TXNRD2: variants seen among roughly 807,000 people sequenced by gnomAD.
TXNRD2 encodes the protein thioredoxin reductase 2.
Under a neutral mutation model 70.8 loss-of-function variants are expected in TXNRD2, and 67 were observed. That is an observed-to-expected ratio of 0.95 (90% CI 0.78 to 1.16). TXNRD2 has a LOEUF of 1.16. TXNRD2 is among the 50% of genes most tolerant of loss of function. The probability of loss-of-function intolerance (pLI) is 0.00; values close to 1 mark genes in which losing one functional copy is unlikely to be tolerated. For synonymous variants in TXNRD2, 301 were observed against 295.8 expected (o/e 1.02, Z -0.18); for missense variants, 644 against 719.9 (o/e 0.89, Z 1.21).
At chr22:19,902,089 C>T (rs188162232) in intron 8 of TXNRD2, among the ~76,000 whole-genome samples, 9 of 152,186 alleles carry the variant, frequency 5.9e-5, no homozygotes, top group Non-Finnish European at 8.8e-5. Flanking sequence ...CCCGGCTACT[C>T]GGGAGGCTGA....
At chr22:19,910,699 T>C (rs963783155) in intron 8 of TXNRD2, among the ~76,000 whole-genome samples, 2 of 152,192 alleles carry the variant, frequency 1.3e-5, no homozygotes, top group African/African-American at 2.4e-5. Context: ...CTCAACCTCC[T>C]GGGCTCAAGC....
chr22:19,907,898 A>G (rs1940136528), intron 8 of TXNRD2, among the ~76,000 whole-genome samples: 1 of 52,482 alleles, frequency 1.9e-5, no homozygotes. Context: ...CGTGGGTAGC[A>G]GTGACCGCTC....
chr22:19,880,631 G>A lies in TXNRD2; in HGVS notation c.1173C>T (p.Asp391=), dbSNP rs1220349719. The part of the protein sequence containing the change: ...RLFGGSSDLM[D]YDNVPTTVFT... Reference sequence around the variant, plus strand: ...CTGCTAGAGAACTCACATTGTCGTAGTCCATCAGATCTGAGGACCCGCCGA... The same window carrying A: ...CTGCTAGAGAACTCACATTGTCGTAATCCATCAGATCTGAGGACCCGCCGA... Residue 391 remains aspartate, a synonymous_variant, in exon 13 of 18, where the codon GAC becomes GAT. Transcript: ENST00000400521. 3.7e-6 allele frequency: 6 copies of A among 1,613,342 alleles called. No individual in the cohort carries two copies. In the East Asian group the frequency reaches 1.1e-4, roughly 30 times the overall value.
Position 19,878,082 on chromosome 22 carries a change from G to A in TXNRD2, c.1445+8C>T, listed in dbSNP as rs1476412194. On this transcript the variant is annotated splice_region_variant and intron_variant, in intron 16 of 17. Coordinates refer to ENST00000400521, the MANE Select transcript of TXNRD2 (RefSeq NM_006440.5). ...ATCGCATCGCAGCCTGCATTCCTCG[G>A]GACTTACTTGATCCCCAGAGCAAAT... 4.3e-6 allele frequency: 7 copies of A among 1,612,444 alleles called. No individual in the cohort carries two copies. Among genetic ancestry groups the A allele is most frequent in the Admixed American group, 1.7e-5 (1 of 59,958 alleles).
At chr22:19,929,260 G>A (rs1012084709) in intron 2 of TXNRD2, among the ~76,000 whole-genome samples, 4 of 149,204 alleles carry the variant, frequency 2.7e-5, no homozygotes, top group African/African-American at 9.9e-5. Context: ...CCGGGAGGCA[G>A]AGGTTGCAGT....
rs547056829 is a variant in TXNRD2 at position 19,894,102 on chromosome 22, C to G, written c.949+1305G>C. Reference sequence around the variant, plus strand: ...GGCACATGCTACACAAATGCTAACTCTAACAAATGCTGCAACATGGATGCA... The same window carrying G: ...GGCACATGCTACACAAATGCTAACTGTAACAAATGCTGCAACATGGATGCA... On this transcript the variant is annotated intron_variant, in intron 11 of 17. Transcript: ENST00000400521. 3.3e-5 allele frequency: 5 copies of G among 152,358 alleles called. No homozygotes were observed. In the South Asian group the frequency reaches 1.0e-3, roughly 32 times the overall value. 9.4% of individuals were successfully genotyped at this position (152,358 alleles called of 1,614,324 possible).
Position 19,911,836 on chromosome 22 carries a change from G to C in TXNRD2, c.592-389C>G, listed in dbSNP as rs1940426232. The stretch of plus-strand genomic sequence containing the variant: ...GGACAGACACATCAAACAGACAGGG[G>C]CATGCAGCCCCAGGGAGCAACACCT... On this transcript the variant is annotated intron_variant, in intron 7 of 17. Coordinates refer to ENST00000400521, the MANE Select transcript of TXNRD2 (RefSeq NM_006440.5). Among the ~76,000 whole-genome samples the C allele has an allele frequency of 2.0e-5, 3 of 152,266 alleles. No homozygotes were observed. In the South Asian group the frequency reaches 6.2e-4, roughly 32 times the overall value.
At chr22:19,924,033 T>C (rs1941024112) in intron 2 of TXNRD2, among the ~76,000 whole-genome samples, 1 of 151,772 alleles carries the variant, frequency 6.6e-6, no homozygotes, top group Non-Finnish European at 1.5e-5. Flanking sequence ...GAGTCTCACT[T>C]TGTTGCCCAG....
chr22:19,914,518 C>T (rs555087123), intron 7 of TXNRD2, among the ~76,000 whole-genome samples: 1 of 152,312 alleles, frequency 6.6e-6, no homozygotes, highest in African/African-American at 2.4e-5. Context: ...ATACGAGTCA[C>T]TAAGGGACAC....
At chr22:19,904,720 A>C (rs866843258) in intron 8 of TXNRD2, among the ~76,000 whole-genome samples, 2 of 151,862 alleles carry the variant, frequency 1.3e-5, no homozygotes, top group Middle Eastern at 3.2e-3. Flanking sequence ...GGCCAGGGGG[A>C]CAGGGAGCCT....
rs1439082565 is a variant in TXNRD2 at position 19,909,562 on chromosome 22, TCA to T, written c.662+1813_662+1814del. Among the ~76,000 whole-genome samples, 17 of 10,934 alleles carry T rather than the reference TCA, an allele frequency of 1.6e-3. 1 individual carries two copies. Among genetic ancestry groups the T allele is most frequent in the Admixed American group, 2.3e-3 (2 of 866 alleles). The allele number at this position is 10,934 out of a possible 152,430, so 7.2% of individuals were successfully genotyped here. ...ACACACATAACCACTCACACACTACTCACATACACACACCACACACACACACC... is the reference window on the plus strand; with the variant it reads ...ACACACATAACCACTCACACACTACTCATACACACACCACACACACACACC... On this transcript the variant is annotated intron_variant, in intron 8 of 17. Coordinates refer to ENST00000400521, the MANE Select transcript of TXNRD2 (RefSeq NM_006440.5).
chr22:19,902,643 G>A (rs185616862), intron 8 of TXNRD2, among the ~76,000 whole-genome samples: 32 of 152,308 alleles, frequency 2.1e-4, no homozygotes, highest in Non-Finnish European at 4.1e-4. Context: ...GGCAGATGCT[G>A]GGCCGGAGCC....
chr22:19,896,050 C>A (rs989011581), intron 10 of TXNRD2, among the ~76,000 whole-genome samples: 1 of 151,740 alleles, frequency 6.6e-6, no homozygotes, highest in African/African-American at 2.4e-5. Context: ...GTGATCCCAG[C>A]ACTTTGAGAA....
At chr22:19,886,468 G>C (rs1569075166) in intron 11 of TXNRD2, among the ~76,000 whole-genome samples, 2 of 152,254 alleles carry the variant, frequency 1.3e-5, no homozygotes, top group Non-Finnish European at 2.9e-5. Context: ...CTTGTGCCAA[G>C]GTGGGGACCC....
chr22:19,917,324 G>T (rs185690098), intron 5 of TXNRD2, among the ~76,000 whole-genome samples: 1 of 152,286 alleles, frequency 6.6e-6, no homozygotes, highest in Non-Finnish European at 1.5e-5. Context: ...AAATGCCACA[G>T]CACAATGTGG....
chr22:19,909,253 T>C (rs1007761294), intron 8 of TXNRD2, among the ~76,000 whole-genome samples: 4 of 151,746 alleles, frequency 2.6e-5, no homozygotes, highest in African/African-American at 7.3e-5. Context: ...ATACTATGTC[T>C]GTTTTATCAC....
intron 12 of TXNRD2, 102 bp from the exon 13 acceptor site, chr22:19,880,819 A>G (rs760128595): frequency 9.0e-6 from 7 of 777,556 alleles, no homozygotes; most frequent in Admixed American, 2.1e-5. Context: ...CTCCCTTTAG[A>G]AAATCCCCAA....
chr22:19,885,020 G>A (rs1938960473), intron 11 of TXNRD2, among the ~76,000 whole-genome samples: 1 of 152,180 alleles, frequency 6.6e-6, no homozygotes, highest in Non-Finnish European at 1.5e-5. Context: ...GGCCAAGAGG[G>A]GCAGGGGATG....
chr22:19,928,115 A>T (rs201191582), intron 2 of TXNRD2, among the ~76,000 whole-genome samples: 3 of 29,426 alleles, frequency 1.0e-4, no homozygotes, highest in Non-Finnish European at 2.0e-4. Flanking sequence ...TTTTTTTAAT[A>T]AAAAAAAAAA....
Sources: allele counts gnomAD v4.1 joint callset (sites outside exome capture counted in the v4.1 genomes callset), GRCh38; gene constraint gnomAD v4.1.1; transcripts MANE v1.5; gene names NCBI Gene and HGNC (gene_info 2026-07-23, HGNC 2026-07-21).